SLC22A8: variants seen among roughly 807,000 people sequenced by gnomAD.
The protein encoded by SLC22A8 is organic anion transporter 3.
SLC22A8 carries 40 observed loss-of-function variants against 48.4 expected under a neutral mutation model. The observed-to-expected ratio is 0.83, with a 90% CI of 0.64 to 1.08. The LOEUF (loss-of-function observed/expected upper bound fraction) is 1.08. SLC22A8 is among the 50% of genes least tolerant of loss of function. The probability of loss-of-function intolerance (pLI) is 0.00; values close to 1 mark genes in which losing one functional copy is unlikely to be tolerated. For synonymous variants in SLC22A8, 268 were observed against 286.3 expected (o/e 0.94, Z 0.65); for missense variants, 606 against 699.0 (o/e 0.87, Z 1.50).
chr11:63,015,782 C>T lies in SLC22A8; in HGVS notation c.-79G>A, dbSNP rs1430065208. ...CTGGTGATCAGTGTAGTTGAGGTCC[C>T]TGCTCTGTCCTAGGGGCCGGCAGCT... On this transcript the variant is annotated 5_prime_UTR_variant, in exon 1 of 11. Transcript: ENST00000336232. 2.0e-5 allele frequency: 3 copies of T among 152,488 alleles called. No homozygotes were observed. The highest frequency in any genetic ancestry group is 4.8e-5 in the African/African-American group (2 of 41,468). 9.4% of individuals were successfully genotyped at this position (152,488 alleles called of 1,614,324 possible).
chr11:63,007,254 T>C (rs1476962579), intron 2 of SLC22A8, among the ~76,000 whole-genome samples: 1 of 152,198 alleles, frequency 6.6e-6, no homozygotes, highest in Non-Finnish European at 1.5e-5. Flanking sequence ...GTGGTTCTGT[T>C]TAGTCCTCGG....
At chr11:62,999,442 G>A (rs192330550) in intron 4 of SLC22A8, 131 of 473,386 alleles carry the variant, frequency 2.8e-4, no homozygotes, top group African/African-American at 1.9e-3. Context: ...CTTGCAAGTG[G>A]TATTGAATGA....
chr11:63,000,159 C>G (rs1261386064), intron 3 of SLC22A8, among the ~76,000 whole-genome samples: 4 of 152,206 alleles, frequency 2.6e-5, no homozygotes, highest in Non-Finnish European at 5.9e-5. Context: ...CGCTGTGTCC[C>G]AAAACCTGGA....
rs1385643542 is a variant in SLC22A8 at position 63,014,823 on chromosome 11, C to T, written c.136G>A (p.Val46Ile). The T allele has an allele frequency of 1.2e-6, 2 of 1,612,506 alleles. No homozygotes were observed. The highest frequency in any genetic ancestry group is 1.7e-4 in the Middle Eastern group (1 of 6,050). Residue 46 changes from valine (V) to isoleucine (I), a missense_variant, in exon 2 of 11, where the codon GTC becomes ATC. Val to Ile is a conservative substitution (Grantham distance 29). Coordinates refer to ENST00000336232, the MANE Select transcript of SLC22A8 (RefSeq NM_004254.4). ...LLQIFTAATP[V>I]HHCRPPHNAS... The stretch of plus-strand genomic sequence containing the variant: ...TTGTGGGGCGGGCGACAGTGGTGGA[C>T]AGGGGTGGCGGCTGTGAAGATCTGC...
At position 62,993,594 on chromosome 11, in the gene SLC22A8, G is replaced by A; in HGVS notation, c.1359C>T (p.Thr453=). 1 of 1,612,330 alleles carries A rather than the reference G, an allele frequency of 6.2e-7. No individual in the cohort carries two copies. The highest frequency in any genetic ancestry group is 8.5e-7 in the Non-Finnish European group (1 of 1,178,586). The change falls in exon 10 of 11, where the codon ACC becomes ACT. Residue 453 remains threonine, a synonymous_variant. Transcript: ENST00000336232. ...QTGMGVSNLW[T]RVGSMVSPLV... is the part of the protein sequence containing the mutation. Reference sequence around the variant, plus strand: ...GCGGGGACACCATGCTTCCCACGCGGGTCCACAGGTTACTTACGCCCATAC... The same window carrying A: ...GCGGGGACACCATGCTTCCCACGCGAGTCCACAGGTTACTTACGCCCATAC...
Position 62,999,221 on chromosome 11 carries a change from G to T in SLC22A8, c.593-132C>A, listed in dbSNP as rs528478971. On this transcript the variant is annotated intron_variant, in intron 4 of 10. Coordinates refer to ENST00000336232, the MANE Select transcript of SLC22A8 (RefSeq NM_004254.4). ...ACGGATGCTGTTGATATCGCCCTCCGTTGGGTCTTCCTGCTGTTCTGATGC... is the reference window on the plus strand; with the variant it reads ...ACGGATGCTGTTGATATCGCCCTCCTTTGGGTCTTCCTGCTGTTCTGATGC... The T allele has an allele frequency of 3.1e-4, 234 of 746,494 alleles. No homozygotes were observed. In the African/African-American group the frequency reaches 3.3e-3, roughly 11 times the overall value. The allele number at this position is 746,494 out of a possible 1,614,324, so 46.2% of individuals were successfully genotyped here.
intron 2 of SLC22A8, among the ~76,000 whole-genome samples, chr11:63,014,379 G>C (rs915626302): frequency 1.8e-4 from 27 of 152,174 alleles, no homozygotes; most frequent in Admixed American, 2.0e-4. Flanking sequence ...CCAGAGCTTA[G>C]CTCTGTGCCC....
chr11:62,999,621 C>T, intron 4 of SLC22A8, 67 bp downstream of exon 4: 5 of 1,330,526 alleles, frequency 3.8e-6, no homozygotes, highest in African/African-American at 3.0e-5. Flanking sequence ...CAGACCCAGA[C>T]CCCATTCTCT....
intron 2 of SLC22A8, among the ~76,000 whole-genome samples, chr11:63,002,692 C>A (rs2086510429): frequency 6.6e-6 from 1 of 152,130 alleles, no homozygotes; most frequent in Admixed American, 6.5e-5. Flanking sequence ...CTTCAAGATT[C>A]TAGCTTTTTG....
At chr11:63,007,387 G>A (rs1218073496) in intron 2 of SLC22A8, among the ~76,000 whole-genome samples, 2 of 152,084 alleles carry the variant, frequency 1.3e-5, no homozygotes. Flanking sequence ...GTACAGTGGT[G>A]CGATCTCGGC....
At chr11:62,997,731 G>C (rs1403938317) in intron 5 of SLC22A8, among the ~76,000 whole-genome samples, 1 of 152,114 alleles carries the variant, frequency 6.6e-6, no homozygotes, top group Non-Finnish European at 1.5e-5. Flanking sequence ...GCATCTTTTT[G>C]TGTAACTTTG....
In SLC22A8 at chr11:62,999,200, A is replaced by T. The variant is rs1000941300; in HGVS notation, c.593-111T>A. On this transcript the variant is annotated intron_variant, in intron 4 of 10. Coordinates refer to ENST00000336232, the MANE Select transcript of SLC22A8 (RefSeq NM_004254.4). Reference sequence around the variant, plus strand: ...ACGGCTACTGACATCCTCCCCACGGATGCTGTTGATATCGCCCTCCGTTGG... The same window carrying T: ...ACGGCTACTGACATCCTCCCCACGGTTGCTGTTGATATCGCCCTCCGTTGG... 7.6e-6 allele frequency: 7 copies of T among 915,320 alleles called. No individual in the cohort carries two copies. In the African/African-American group the frequency reaches 1.2e-4, roughly 15 times the overall value. The allele number at this position is 915,320 out of a possible 1,614,324, so 56.7% of individuals were successfully genotyped here. A position where few individuals can be genotyped will look rare whatever the true frequency, so the allele number is the denominator to read the frequency against.
At chr11:62,999,133 C>G (rs372719462) in intron 4 of SLC22A8, 44 bp from the exon 5 acceptor site, 20 of 1,557,552 alleles carry the variant, frequency 1.3e-5, no homozygotes, top group Admixed American at 3.4e-5. Flanking sequence ...CTGCTAGGTC[C>G]CAGGCACCTC....
At chr11:62,999,242 G>T in intron 4 of SLC22A8, 153 bp from the exon 5 acceptor site, 1 of 631,510 alleles carries the variant, frequency 1.6e-6, no homozygotes, top group Non-Finnish European at 2.8e-6. Flanking sequence ...CTGCTGTTCT[G>T]ATGCTGACCC....
At chr11:63,007,542 G>T (rs1590698666) in intron 2 of SLC22A8, among the ~76,000 whole-genome samples, 2 of 152,042 alleles carry the variant, frequency 1.3e-5, no homozygotes, top group South Asian at 4.1e-4. Context: ...GACTAGGCTG[G>T]TCTCAAACTC....
chr11:62,995,763 T>G lies in SLC22A8; in HGVS notation c.942A>C (p.Ala314=). 1 of 1,614,068 alleles carries G rather than the reference T, an allele frequency of 6.2e-7. No individual in the cohort carries two copies. The highest frequency in any genetic ancestry group is 8.5e-7 in the Non-Finnish European group (1 of 1,180,000). The change falls in exon 7 of 11, where the codon GCA becomes GCC. Residue 314 remains alanine (A), a synonymous_variant. Coordinates refer to ENST00000336232, the MANE Select transcript of SLC22A8 (RefSeq NM_004254.4). The stretch of plus-strand genomic sequence containing the variant: ...GCATGGGTATCCGGAACAGGTCACT[T>G]GCGGTGTACTTGGCCTTGGCCAAGG... ...EISLAKAKYT[A]SDLFRIPMLR...
At chr11:62,997,765 C>A (rs1309711655) in intron 5 of SLC22A8, among the ~76,000 whole-genome samples, 1 of 152,192 alleles carries the variant, frequency 6.6e-6, no homozygotes, top group Non-Finnish European at 1.5e-5. Context: ...CATCTCTGAG[C>A]CTCAGTTTCC....
chr11:63,003,987 C>A (rs2086527484), intron 2 of SLC22A8, among the ~76,000 whole-genome samples: 1 of 152,222 alleles, frequency 6.6e-6, no homozygotes, highest in South Asian at 2.1e-4. Flanking sequence ...TATCCTGATA[C>A]ATCCCATAAG....
Position 62,999,030 on chromosome 11 carries a change from A to G in SLC22A8, c.652T>C (p.Tyr218His). Residue 218 changes from tyrosine (Y) to histidine (H), a missense_variant, in exon 5 of 11, where the codon TAC becomes CAC. Coordinates refer to ENST00000336232, the MANE Select transcript of SLC22A8 (RefSeq NM_004254.4). ...GGCAGAATGAACTGGCCAAAGGTGT[A>G]GCAGTACCCGAGTGCTGTCGACATG... ...AIMSTALGYCYTFGQFILPGL... is the reference protein window; with the variant it reads ...AIMSTALGYCHTFGQFILPGL... 3 of 1,614,234 alleles carry G rather than the reference A, an allele frequency of 1.9e-6. No individual in the cohort carries two copies. The highest frequency in any genetic ancestry group is 2.7e-5 in the African/African-American group (2 of 75,070).
Sources: allele counts gnomAD v4.1 joint callset (sites outside exome capture counted in the v4.1 genomes callset), GRCh38; gene constraint gnomAD v4.1.1; transcripts MANE v1.5; gene names NCBI Gene and HGNC (gene_info 2026-07-23, HGNC 2026-07-21).